Variants in NKD1 observed in about 807,000 individuals in gnomAD.
The protein encoded by NKD1 is NKD inhibitor of Wnt signaling pathway 1, also known as protein naked cuticle homolog 1.
NKD1 carries 21 observed loss-of-function variants against 56.0 expected under a neutral mutation model. That is an observed-to-expected ratio of 0.38 (90% CI 0.27 to 0.54). NKD1 has a LOEUF of 0.54. Among genes scored for constraint, NKD1 ranks in the 20% least tolerant of loss-of-function variants. NKD1 has a pLI of 0.82. For missense variants in NKD1, 578 were observed against 642.7 expected (o/e 0.90, Z 1.09); for synonymous variants, 263 against 265.7 (o/e 0.99, Z 0.10).
chr16:50,574,063 C>T (rs886333642), intron 3 of NKD1: 34 of 831,274 alleles, frequency 4.1e-5, no homozygotes, highest in Non-Finnish European at 4.8e-5. Context: ...GTCTCACTCC[C>T]GTTTTACAGA....
At chr16:50,629,082 C>T (rs1962286587) in intron 6 of NKD1, among the ~76,000 whole-genome samples, 1 of 152,010 alleles carries the variant, frequency 6.6e-6, no homozygotes, top group Non-Finnish European at 1.5e-5. Context: ...CCTCCCACCT[C>T]AGCCTTCCAA....
intron 5 of NKD1, chr16:50,625,168 T>A: frequency 2.5e-6 from 1 of 397,160 alleles, no homozygotes; most frequent in South Asian, 2.8e-5. Flanking sequence ...CTTCTTGCCC[T>A]TGGTCCAAGT....
chr16:50,565,084 G>A lies in NKD1; in HGVS notation c.192+15529G>A, dbSNP rs757343055. Among the ~76,000 whole-genome samples the A allele has an allele frequency of 9.8e-5, 15 of 152,324 alleles. No homozygotes were observed. In the East Asian group the frequency reaches 1.4e-3, roughly 14 times the overall value. On this transcript the variant is annotated intron_variant, in intron 3 of 9. Transcript: ENST00000268459. ...ATTTAAGGTGGAGAACCATAAAAAA[G>A]TGATATAGAGGCTGGGTGTGGTGGC... is the stretch of plus-strand genomic sequence containing the variant.
At chr16:50,565,770 G>A (rs981815482) in intron 3 of NKD1, among the ~76,000 whole-genome samples, 4 of 152,170 alleles carry the variant, frequency 2.6e-5, no homozygotes, top group Non-Finnish European at 4.4e-5. Flanking sequence ...ATCTGTCTCC[G>A]CACCTTGCTT....
intron 5 of NKD1, among the ~76,000 whole-genome samples, chr16:50,624,778 T>C (rs907585524): frequency 1.3e-5 from 2 of 152,180 alleles, no homozygotes; most frequent in Non-Finnish European, 2.9e-5. Context: ...CTCCTGTCCC[T>C]CCCTTGTTCC....
In NKD1 at chr16:50,633,522, C is replaced by A. The variant is rs1452030460; in HGVS notation, c.1154C>A (p.Ala385Asp). ...GCGGTGTCCCCCTCCGCCCACCTGG[C>A]TGCCAGCCCGGCCCTCCTCCCCTCC... The part of the protein sequence containing the change: ...IPAVSPSAHL[A>D]ASPALLPSLA... Residue 385 changes from alanine (A) to aspartate (D), a missense_variant, in exon 10 of 10, where the codon GCT becomes GAT. Physicochemically the swap from Ala to Asp is moderately radical, Grantham distance 126 (BLOSUM62 -2). Transcript: ENST00000268459. This position sits in a 1 kb window ranked among gnomAD's most constrained non-coding sequence, Gnocchi z 4.9. 2 of 1,610,776 alleles carry A rather than the reference C, an allele frequency of 1.2e-6. No homozygotes were observed.
Position 50,633,288 on chromosome 16 carries a change from A to G in NKD1, c.920A>G (p.His307Arg). Residue 307 changes from histidine to arginine, a missense_variant, in exon 10 of 10, where the codon CAC becomes CGC. Physicochemically the swap from His to Arg is conservative, Grantham distance 29. Transcript: ENST00000268459. The surrounding 1 kb of genome is among the most constrained non-coding windows in gnomAD (Gnocchi z 4.9). ...SHEPEAIHIP[H>R]RKPQGVDPAS... is the part of the protein sequence containing the mutation. ...GAGCCGGAAGCCATCCACATCCCAC[A>G]CCGAAAGCCCCAAGGCGTGGACCCG... is the stretch of plus-strand genomic sequence containing the variant. 2.5e-6 allele frequency: 4 copies of G among 1,613,770 alleles called. No individual in the cohort carries two copies. Among genetic ancestry groups the G allele is most frequent in the Non-Finnish European group, 3.4e-6 (4 of 1,179,894 alleles).
At chr16:50,627,367 G>T (rs1265298717) in intron 6 of NKD1, among the ~76,000 whole-genome samples, 1 of 152,164 alleles carries the variant, frequency 6.6e-6, no homozygotes, top group African/African-American at 2.4e-5. Flanking sequence ...GTTTCAACCT[G>T]CGTTGTCCTT....
chr16:50,622,876 A>G (rs1346272518), intron 5 of NKD1, among the ~76,000 whole-genome samples: 1 of 152,140 alleles, frequency 6.6e-6, no homozygotes, highest in Non-Finnish European at 1.5e-5. Context: ...ACAGTCAGTG[A>G]TGAGATGAGA....
chr16:50,562,304 C>T lies in NKD1; in HGVS notation c.192+12749C>T, dbSNP rs145296403. The T allele has an allele frequency of 1.1e-4, 111 of 978,480 alleles. No homozygotes were observed. The African/African-American group carries it at 1.8e-3, about 16-fold the overall frequency. 60.6% of individuals were successfully genotyped at this position (978,480 alleles called of 1,614,324 possible). A position where few individuals can be genotyped will look rare whatever the true frequency, so the allele number is the denominator to read the frequency against. ...TGAAAAAGTCTATTCAGGCCTGTGT[C>T]ACTGTGTATCTGCAGGTGCATAGAG... On this transcript the variant is annotated intron_variant, in intron 3 of 9. Transcript: ENST00000268459.
chr16:50,627,720 A>G (rs1182460990), intron 6 of NKD1, among the ~76,000 whole-genome samples: 1 of 152,236 alleles, frequency 6.6e-6, no homozygotes, highest in African/African-American at 2.4e-5. Flanking sequence ...CATGCAGGAA[A>G]TACTGAGCAC....
chr16:50,555,711 A>G (rs1204592198), intron 3 of NKD1: 5 of 152,190 alleles, frequency 3.3e-5, no homozygotes, highest in Admixed American at 2.6e-4. Flanking sequence ...GGGCTGTCCG[A>G]GACAGGATGT....
At chr16:50,593,604 C>T (rs970639712) in intron 3 of NKD1, among the ~76,000 whole-genome samples, 40 of 152,176 alleles carry the variant, frequency 2.6e-4, no homozygotes, top group African/African-American at 9.2e-4. Flanking sequence ...GTGCGAAGCT[C>T]TTACTGGGCA....
chr16:50,577,883 C>A (rs1242917345), intron 3 of NKD1, among the ~76,000 whole-genome samples: 1 of 152,208 alleles, frequency 6.6e-6, no homozygotes, highest in Non-Finnish European at 1.5e-5. Flanking sequence ...GGTGACTGAT[C>A]TGATTTAGCA....
intron 4 of NKD1, among the ~76,000 whole-genome samples, chr16:50,617,996 A>C (rs926459700): frequency 6.6e-6 from 1 of 152,220 alleles, no homozygotes; most frequent in Non-Finnish European, 1.5e-5. Flanking sequence ...GAAAGAAGCC[A>C]TGGACAATGC....
chr16:50,595,165 C>G (rs1961447336), intron 3 of NKD1, among the ~76,000 whole-genome samples: 1 of 152,172 alleles, frequency 6.6e-6, no homozygotes, highest in South Asian at 2.1e-4. Context: ...CTCGCTGGTT[C>G]TTTGCTACCA....
chr16:50,565,192 G>A (rs924828926), intron 3 of NKD1, among the ~76,000 whole-genome samples: 4 of 152,138 alleles, frequency 2.6e-5, no homozygotes, highest in Non-Finnish European at 2.9e-5. Context: ...TGGCTAACAT[G>A]GTGAAACCCC....
chr16:50,600,618 G>C (rs1410014900), intron 3 of NKD1, among the ~76,000 whole-genome samples: 1 of 152,222 alleles, frequency 6.6e-6, no homozygotes, highest in Non-Finnish European at 1.5e-5. Flanking sequence ...TCTGGAGGAA[G>C]GCGCGACCAT....
At chr16:50,625,711 G>C (rs1032328711) in intron 6 of NKD1, 131 bp downstream of exon 6, 2 of 640,836 alleles carry the variant, frequency 3.1e-6, no homozygotes, top group East Asian at 2.8e-5. Flanking sequence ...TAACAGCCAG[G>C]GAGTTGCTGG....
Sources: gnomAD v4.1 joint callset for allele counts (sites outside exome capture counted in the v4.1 genomes callset) on GRCh38, gnomAD v4.1.1 for gene constraint, Gnocchi (gnomAD v3.1) non-coding constraint, MANE v1.5 for transcripts, NCBI Gene and HGNC (gene_info 2026-07-23, HGNC 2026-07-21) for gene names.